Variants in EPB41L1 observed in about 807,000 individuals in gnomAD.
EPB41L1 encodes the protein band 4.1-like protein 1.
Under a neutral mutation model 97.8 loss-of-function variants are expected in EPB41L1, and 29 were observed. The ratio of observed to expected loss-of-function variants is 0.30; its 90% CI spans 0.22 to 0.40. The LOEUF is 0.40. Ranked by LOEUF, EPB41L1 falls within the 10% of genes least tolerant of loss-of-function variation. The probability of loss-of-function intolerance (pLI) is 1.00; values close to 1 mark genes in which losing one functional copy is unlikely to be tolerated. For missense variants in EPB41L1, 812 were observed against 1,162.3 expected, an observed-to-expected ratio of 0.70 and a Z score of 4.38; for synonymous variants, 383 against 459.2, an observed-to-expected ratio of 0.83 and a Z score of 2.12.
intron 8 of EPB41L1, 126 bp downstream of exon 8, chr20:36,187,889 A>G (rs1301363344): frequency 1.3e-6 from 1 of 791,608 alleles, no homozygotes; most frequent in East Asian, 2.7e-5. Flanking sequence ...TTCTGTTCTC[A>G]TTCTCATTTC....
chr20:36,162,181 C>T (rs1173069256), intron 1 of EPB41L1, among the ~76,000 whole-genome samples: 3 of 152,232 alleles, frequency 2.0e-5, no homozygotes, highest in Non-Finnish European at 4.4e-5. Flanking sequence ...AGCTCTGGCT[C>T]ATAAGCCCAT....
chr20:36,196,369 G>A (rs914968703), intron 13 of EPB41L1, among the ~76,000 whole-genome samples: 4 of 152,200 alleles, frequency 2.6e-5, no homozygotes, highest in African/African-American at 7.2e-5. Context: ...ACACACCCAC[G>A]GAGGCAGTGG....
chr20:36,106,638 A>G (rs866705170), intron 1 of EPB41L1, among the ~76,000 whole-genome samples: 15 of 152,362 alleles, frequency 9.8e-5, no homozygotes, highest in African/African-American at 3.1e-4. Flanking sequence ...AGTAGATACC[A>G]TTCTATTCAG....
chr20:36,217,615 G>C (rs1007576662), intron 17 of EPB41L1, among the ~76,000 whole-genome samples: 1 of 152,210 alleles, frequency 6.6e-6, no homozygotes, highest in Admixed American at 6.5e-5. Context: ...GAACTTCCCA[G>C]AATGATGCTA....
chr20:36,105,799 A>G (rs917503102), intron 1 of EPB41L1, among the ~76,000 whole-genome samples: 3 of 152,128 alleles, frequency 2.0e-5, no homozygotes, highest in Non-Finnish European at 4.4e-5. Flanking sequence ...GTTAAACCTA[A>G]TAGCTGGTGA....
At position 36,219,790 on chromosome 20, in the gene EPB41L1, C is replaced by T. The variant is rs6121180; in HGVS notation, c.2385C>T (p.Thr795=). Reference sequence around the variant, plus strand: ...TCGGGAAAGATGTCCTCACCAGCACCTACGGCGCCACTGCGGAAACCCTCT... The same window carrying T: ...TCGGGAAAGATGTCCTCACCAGCACTTACGGCGCCACTGCGGAAACCCTCT... ...PIIGKDVLTS[T]YGATAETLST... The change falls in exon 19 of 22, where the codon ACC becomes ACT. Residue 795 remains threonine, a synonymous_variant. Transcript: ENST00000338074. 1.2e-6 allele frequency: 2 copies of T among 1,614,214 alleles called. No homozygotes were observed. Among genetic ancestry groups the T allele is most frequent in the Non-Finnish European group, 8.5e-7 (1 of 1,180,036 alleles).
chr20:36,167,063 C>A (rs977388721), intron 1 of EPB41L1, among the ~76,000 whole-genome samples: 2 of 152,082 alleles, frequency 1.3e-5, no homozygotes, highest in Non-Finnish European at 2.9e-5. Flanking sequence ...ACAAAACAAT[C>A]TAGCATGCTG....
intron 7 of EPB41L1, 60 bp from the exon 8 acceptor site, chr20:36,187,616 A>G (rs2146266568): frequency 1.4e-6 from 2 of 1,404,594 alleles, no homozygotes; most frequent in Non-Finnish European, 2.0e-6. Flanking sequence ...GCACCTTTGG[A>G]CAGCAGGACT....
rs9789814 is a variant in EPB41L1, at chr20:36,128,407, A to G, written c.-10+15927A>G. Among the ~76,000 whole-genome samples the G allele has an allele frequency of 2.3e-3, 352 of 152,328 alleles. 8 individuals carry two copies. In the East Asian group the frequency reaches 0.054, roughly 23 times the overall value. On this transcript the variant is annotated intron_variant, in intron 2 of 19. Transcript: ENST00000202028. ...CTGGCAGTGCCAAAAAGCAGGGAGAAAAAAGTATTGGCCTTGGGTGGATGG... is the reference window on the plus strand; with the variant it reads ...CTGGCAGTGCCAAAAAGCAGGGAGAGAAAAGTATTGGCCTTGGGTGGATGG...
Position 36,195,420 on chromosome 20 carries a change from G to A in EPB41L1, c.1485+56G>A. ...AGCCGTTCCCATCCCTAGCTCATTT[G>A]TCACCATCCCACAGTCCATCCCAGG... On this transcript the variant is annotated intron_variant, in intron 13 of 21. Transcript: ENST00000338074. This position sits in a 1 kb window ranked among gnomAD's most constrained non-coding sequence, Gnocchi z 4.6. The A allele has an allele frequency of 6.3e-7, 1 of 1,596,786 alleles. No individual in the cohort carries two copies. The highest frequency in any genetic ancestry group is 8.6e-7 in the Non-Finnish European group (1 of 1,164,592).
In EPB41L1 at chr20:36,175,730, A is replaced by G; in HGVS notation, c.342+15A>G. The G allele has an allele frequency of 6.2e-7, 1 of 1,613,738 alleles. No homozygotes were observed. Among genetic ancestry groups the G allele is most frequent in the Non-Finnish European group, 8.5e-7 (1 of 1,179,944 alleles). ...GTGAGGTGGAGGTAGGGGAGCACTG[A>G]GTGCCATATGTCCCGTCCCCGGTCA... On this transcript the variant is annotated intron_variant, in intron 3 of 21. Transcript: ENST00000338074.
At chr20:36,159,905 G>A (rs1569164891) in intron 1 of EPB41L1, among the ~76,000 whole-genome samples, 1 of 152,214 alleles carries the variant, frequency 6.6e-6, no homozygotes, top group Non-Finnish European at 1.5e-5. Flanking sequence ...GCTGTAATGT[G>A]GATAGTCCAA....
chr20:36,199,160 C>A (rs114996410), intron 14 of EPB41L1, among the ~76,000 whole-genome samples: 3,472 of 152,044 alleles, frequency 0.023, 141 homozygotes, highest in African/African-American at 0.08. Context: ...AATAAAATTC[C>A]CCTTTCCTAA....
rs748296883 is a variant in EPB41L1, at chr20:36,187,748, C to A, written c.858C>A (p.Asp286Glu). The change falls in exon 8 of 22, where the codon GAC becomes GAA. Residue 286 changes from aspartate (D) to glutamate (E), a missense_variant. Transcript: ENST00000338074. The part of the protein sequence containing the change: ...NAKKLSMYGV[D>E]LHHAKDSEGI... ...AGAAGCTTTCCATGTACGGAGTAGACCTGCACCATGCCAAGGTACCACCAG... is the reference window on the plus strand; with the variant it reads ...AGAAGCTTTCCATGTACGGAGTAGAACTGCACCATGCCAAGGTACCACCAG... 10 of 1,613,912 alleles carry A rather than the reference C, an allele frequency of 6.2e-6. No individual in the cohort carries two copies. The Admixed American group carries it at 1.5e-4, about 24-fold the overall frequency.
chr20:36,174,982 A>G (rs2061162537), intron 2 of EPB41L1, among the ~76,000 whole-genome samples: 1 of 152,196 alleles, frequency 6.6e-6, no homozygotes, highest in Non-Finnish European at 1.5e-5. Context: ...CCCTAAAGCT[A>G]CAACAGACTC....
Position 36,154,979 on chromosome 20 carries a change from G to C in EPB41L1, c.-15+83G>C. On this transcript the variant is annotated intron_variant, in intron 1 of 21. Coordinates refer to ENST00000338074, the MANE Select transcript of EPB41L1 (RefSeq NM_012156.2). The surrounding 1 kb of genome is among the most constrained non-coding windows in gnomAD (Gnocchi z 5.5). ...CCAGCCTCCAGCCCTGGGGAGGAAC[G>C]GGGGCGAGGCCGAGAACTGAGTTTT... 1 of 1,135,272 alleles carries C rather than the reference G, an allele frequency of 8.8e-7. No individual in the cohort carries two copies. The highest frequency in any genetic ancestry group is 1.1e-6 in the Non-Finnish European group (1 of 892,930). The allele number at this position is 1,135,272 out of a possible 1,614,324, so 70.3% of individuals were successfully genotyped here. A position where few individuals can be genotyped will look rare whatever the true frequency, so the allele number is the denominator to read the frequency against.
At chr20:36,110,622 T>TAC (rs11473679) in intron 1 of EPB41L1, 44,571 of 138,588 alleles carry the variant, frequency 0.32, 7,231 homozygotes, top group East Asian at 0.54. Context: ...CAGTTTGCTT[T>TAC]ACACACACAC....
At chr20:36,110,041 A>C (rs112684979) in intron 1 of EPB41L1, among the ~76,000 whole-genome samples, 3,078 of 151,022 alleles carry the variant, frequency 0.02, 116 homozygotes, top group African/African-American at 0.071. Flanking sequence ...TCCTGGGTTC[A>C]AGCGATTCTC....
At chr20:36,123,604 C>G (rs912909417) in intron 2 of EPB41L1, among the ~76,000 whole-genome samples, 6 of 152,164 alleles carry the variant, frequency 3.9e-5, no homozygotes, top group African/African-American at 7.2e-5. Flanking sequence ...TCATACCTGG[C>G]TAATTTTTGT....
Sources: gnomAD v4.1 joint callset for allele counts (sites outside exome capture counted in the v4.1 genomes callset) on GRCh38, gnomAD v4.1.1 for gene constraint, Gnocchi (gnomAD v3.1) non-coding constraint, MANE v1.5 for transcripts, NCBI Gene and HGNC (gene_info 2026-07-23, HGNC 2026-07-21) for gene names.